FOXN3: variants seen among roughly 807,000 people sequenced by gnomAD.
FOXN3 encodes forkhead box protein N3.
FOXN3 carries 7 observed loss-of-function variants against 38.4 expected under a neutral mutation model. That is an observed-to-expected ratio of 0.18 (90% confidence interval 0.10 to 0.34). The LOEUF is 0.34. Ranked by LOEUF, FOXN3 falls within the 10% of genes least tolerant of loss-of-function variation. The probability of loss-of-function intolerance (pLI) is 1.00; values close to 1 mark genes in which losing one functional copy is unlikely to be tolerated. For missense variants in FOXN3, 456 were observed against 613.4 expected (o/e 0.74, Z 2.71); for synonymous variants, 230 against 242.2 (o/e 0.95, Z 0.47).
intron 3 of FOXN3, among the ~76,000 whole-genome samples, chr14:89,329,653 C>G (rs927236208): frequency 6.6e-6 from 1 of 151,962 alleles, no homozygotes; most frequent in Non-Finnish European, 1.5e-5. Context: ...GTCAGGAGTT[C>G]GAGACCATCC....
intron 2 of FOXN3, chr14:89,400,059 CAAGCACATTTAG>C (rs1010835581): frequency 2.0e-5 from 3 of 152,162 alleles, no homozygotes; most frequent in African/African-American, 7.2e-5. Flanking sequence ...GCGGCTGCCC[CAAGCACATTTAG>C]AAGTTGCACT....
chr14:89,202,136 T>A (rs1888251658), intron 4 of FOXN3, among the ~76,000 whole-genome samples: 1 of 152,218 alleles, frequency 6.6e-6, no homozygotes, highest in South Asian at 2.1e-4. Context: ...CTCTCCACTG[T>A]CTTCCTCCCT....
At chr14:89,498,969 T>C in intron 1 of FOXN3, among the ~76,000 whole-genome samples, 1 of 152,164 alleles carries the variant, frequency 6.6e-6, no homozygotes, top group Non-Finnish European at 1.5e-5. Flanking sequence ...ATTTAGCCTG[T>C]TACAGATATT....
At chr14:89,336,080 G>A (rs917218244) in intron 3 of FOXN3, among the ~76,000 whole-genome samples, 1 of 151,614 alleles carries the variant, frequency 6.6e-6, no homozygotes, top group Non-Finnish European at 1.5e-5. Flanking sequence ...AAAATATTGT[G>A]TGATTCTCCC....
chr14:89,450,875 T>A (rs921307724), intron 1 of FOXN3, among the ~76,000 whole-genome samples: 7 of 152,188 alleles, frequency 4.6e-5, no homozygotes, highest in African/African-American at 1.7e-4. Flanking sequence ...TGGAAATAAC[T>A]TTCAAGACTT....
intron 3 of FOXN3, chr14:89,291,713 C>A (rs1886878479): frequency 2.7e-6 from 1 of 376,704 alleles, no homozygotes; most frequent in African/African-American, 2.1e-5. Flanking sequence ...TCATCACATT[C>A]CCCAAAGCCT....
At chr14:89,377,867 A>G (rs1890529827) in intron 2 of FOXN3, among the ~76,000 whole-genome samples, 1 of 152,292 alleles carries the variant, frequency 6.6e-6, no homozygotes, top group African/African-American at 2.4e-5. Flanking sequence ...CATTAGGGTG[A>G]CCCCTAATCC....
At chr14:89,533,432 G>T (rs1276610909) in intron 1 of FOXN3, among the ~76,000 whole-genome samples, 1 of 152,148 alleles carries the variant, frequency 6.6e-6, no homozygotes, top group Non-Finnish European at 1.5e-5. Context: ...GGGAGACCCA[G>T]GCGGGCGGAT....
At chr14:89,365,681 C>G (rs1169015881) in intron 2 of FOXN3, among the ~76,000 whole-genome samples, 1 of 152,122 alleles carries the variant, frequency 6.6e-6, no homozygotes, top group Non-Finnish European at 1.5e-5. Context: ...GGTAGAGGCA[C>G]AGAAGCATTT....
At chr14:89,607,483 C>T (rs1896296949) in intron 1 of FOXN3, among the ~76,000 whole-genome samples, 1 of 150,438 alleles carries the variant, frequency 6.6e-6, no homozygotes, top group Non-Finnish European at 1.5e-5. Context: ...CGCTTGGACT[C>T]GGGAGATGGG....
chr14:89,591,386 T>C (rs1431780786), intron 1 of FOXN3, among the ~76,000 whole-genome samples: 3 of 152,270 alleles, frequency 2.0e-5, no homozygotes, highest in Non-Finnish European at 2.9e-5. Context: ...CACAGGAGAT[T>C]AGGAGATTCT....
intron 3 of FOXN3, among the ~76,000 whole-genome samples, chr14:89,339,171 G>A (rs1888545603): frequency 6.6e-6 from 1 of 152,054 alleles, no homozygotes; most frequent in Non-Finnish European, 1.5e-5. Context: ...ACGAGGTTTT[G>A]CCACGTTGGC....
intron 1 of FOXN3, among the ~76,000 whole-genome samples, chr14:89,542,313 A>G (rs907490802): frequency 3.3e-5 from 5 of 152,208 alleles, no homozygotes; most frequent in Non-Finnish European, 5.9e-5. Flanking sequence ...CCCAAGTCTG[A>G]GTCTGTTTAG....
intron 4 of FOXN3, among the ~76,000 whole-genome samples, chr14:89,228,833 TAAA>T (rs1056463901): frequency 6.6e-6 from 1 of 152,166 alleles, no homozygotes; most frequent in African/African-American, 2.4e-5. Flanking sequence ...AACAAACAAA[TAAA>T]AAACTGTAGA....
chr14:89,455,178 T>C (rs997720605), intron 1 of FOXN3, among the ~76,000 whole-genome samples: 1 of 152,122 alleles, frequency 6.6e-6, no homozygotes, highest in Non-Finnish European at 1.5e-5. Flanking sequence ...ATGTTCCTTA[T>C]AGAAGGCCCT....
chr14:89,447,418 C>G (rs573755330), intron 1 of FOXN3, among the ~76,000 whole-genome samples: 1 of 152,168 alleles, frequency 6.6e-6, no homozygotes, highest in African/African-American at 2.4e-5. Flanking sequence ...ACTGTGAAAT[C>G]CTTCAGCAGG....
At chr14:89,579,903 A>G (rs1429308394) in intron 1 of FOXN3, among the ~76,000 whole-genome samples, 2 of 152,212 alleles carry the variant, frequency 1.3e-5, no homozygotes, top group African/African-American at 4.8e-5. Flanking sequence ...GCTACAGAGT[A>G]CATACCCAAT....
chr14:89,203,540 TGGAGGGCAG>T (rs1888289066), intron 4 of FOXN3, among the ~76,000 whole-genome samples: 1 of 152,062 alleles, frequency 6.6e-6, no homozygotes, highest in Non-Finnish European at 1.5e-5. Context: ...AAGGAGGGCA[TGGAGGGCAG>T]AAGAACCAGT....
At chr14:89,506,482 G>A (rs1403725411) in intron 1 of FOXN3, among the ~76,000 whole-genome samples, 9 of 144,532 alleles carry the variant, frequency 6.2e-5, no homozygotes, top group East Asian at 2.1e-4. Flanking sequence ...CCGGCCAGCC[G>A]CCCCGTCCGG....
Sources: allele counts gnomAD v4.1 joint callset (sites outside exome capture counted in the v4.1 genomes callset), GRCh38; gene constraint gnomAD v4.1.1; transcripts MANE v1.5; gene names NCBI Gene and HGNC (gene_info 2026-07-23, HGNC 2026-07-21).